PREPL: variants seen among roughly 807,000 people sequenced by gnomAD.
PREPL encodes the protein prolyl endopeptidase-like.
In PREPL, 77 loss-of-function variants were observed where a neutral mutation model predicts 70.6. The observed-to-expected ratio is 1.09, with a 90% CI of 0.91 to 1.32. The LOEUF is 1.32. PREPL is among the 40% of genes most tolerant of loss of function. The pLI, the probability that PREPL is intolerant of heterozygous loss-of-function variation, is 0.00. For missense variants in PREPL, 1,002 were observed against 778.2 expected (o/e 1.29, Z -3.42); for synonymous variants, 315 against 264.8 (o/e 1.19, Z -1.84).
intron 5 of PREPL, among the ~76,000 whole-genome samples, chr2:44,340,326 GTATTTT>G (rs1441458813): frequency 6.6e-6 from 1 of 151,988 alleles, no homozygotes; most frequent in African/African-American, 2.4e-5. Flanking sequence ...TTTAATAAGT[GTATTTT>G]TATGACTTGA....
rs754810107 is a variant in PREPL at position 44,326,941 on chromosome 2, G to A, written c.1263-13C>T. Reference sequence around the variant, plus strand: ...CTCACCACCACCTCTGAAATTGAAGGGCAAAAAAGTTTTAGTGGAAAAAAA... The same window carrying A: ...CTCACCACCACCTCTGAAATTGAAGAGCAAAAAAGTTTTAGTGGAAAAAAA... On this transcript the variant is annotated splice_polypyrimidine_tract_variant and intron_variant, in intron 9 of 13. Transcript: ENST00000409411. 1.2e-6 allele frequency: 2 copies of A among 1,611,328 alleles called. No individual in the cohort carries two copies. Among genetic ancestry groups the A allele is most frequent in the East Asian group, 2.2e-5 (1 of 44,838 alleles).
intron 8 of PREPL, among the ~76,000 whole-genome samples, chr2:44,331,634 T>C (rs1310183096): frequency 1.3e-5 from 2 of 152,192 alleles, no homozygotes; most frequent in African/African-American, 2.4e-5. Context: ...ATAACTTCCT[T>C]GGAGAAAACT....
intron 9 of PREPL, among the ~76,000 whole-genome samples, chr2:44,328,078 G>A (rs1006646438): frequency 2.6e-5 from 4 of 151,558 alleles, no homozygotes; most frequent in African/African-American, 9.7e-5. Context: ...TTGAGGTCAG[G>A]AGTTCGAGAC....
chr2:44,339,498 T>C, intron 5 of PREPL, 135 bp from the exon 6 acceptor site: 1 of 1,300,776 alleles, frequency 7.7e-7, no homozygotes, highest in Non-Finnish European at 1.0e-6. Flanking sequence ...AATTCCTTAG[T>C]GAATATCACT....
chr2:44,358,734 A>G (rs1677325377), intron 1 of PREPL, among the ~76,000 whole-genome samples: 1 of 152,208 alleles, frequency 6.6e-6, no homozygotes, highest in Non-Finnish European at 1.5e-5. Context: ...TCACGCCCAC[A>G]GCTTGGGGTC....
At position 44,338,354 on chromosome 2, in the gene PREPL, T is replaced by C. The variant is rs990128435; in HGVS notation, c.885A>G (p.Leu295=). The change falls in exon 7 of 14, where the codon CTA becomes CTG. Residue 295 remains leucine, a synonymous_variant. Coordinates refer to ENST00000409411, the MANE Select transcript of PREPL (RefSeq NM_001171613.2). ...IGLADDSVRS[L]KLPPWACGFI... is the part of the protein sequence containing the mutation. The stretch of plus-strand genomic sequence containing the variant: ...AACTTCTGAAAATTAAACATACCTT[T>C]AGAGACCGAACTGAATCATCAGCCA... 6.2e-7 allele frequency: 1 copy of C among 1,609,820 alleles called. No individual in the cohort carries two copies. The highest frequency in any genetic ancestry group is 8.5e-7 in the Non-Finnish European group (1 of 1,178,852).
chr2:44,339,136 T>A lies in PREPL; in HGVS notation c.702+11A>T. The A allele has an allele frequency of 1.2e-6, 2 of 1,612,962 alleles. No individual in the cohort carries two copies. Among genetic ancestry groups the A allele is most frequent in the Non-Finnish European group, 1.7e-6 (2 of 1,179,160 alleles). On this transcript the variant is annotated intron_variant, in intron 6 of 13. Coordinates refer to ENST00000409411, the MANE Select transcript of PREPL (RefSeq NM_001171613.2). ...ACAGCCCAAATAGGAACAACGAGCA[T>A]CCAGGATTACCTTAAATTCTGTAGG... is the stretch of plus-strand genomic sequence containing the variant.
Position 44,342,483 on chromosome 2 carries a change from T to A in PREPL, c.419A>T (p.Asp140Val), listed in dbSNP as rs367992937. 2.0e-5 allele frequency: 33 copies of A among 1,612,964 alleles called. No individual in the cohort carries two copies. Among genetic ancestry groups the A allele is most frequent in the Non-Finnish European group, 2.7e-5 (32 of 1,179,348 alleles). Reference protein sequence around the residue: ...YTFQRNLRCHDVYRATFGDNK... With the variant: ...YTFQRNLRCHVVYRATFGDNK... ...ATCACCAAAAGTGGCTCGATATACGTCATGACAGCGAAGGTTCCTCTGGAA... is the reference window on the plus strand; with the variant it reads ...ATCACCAAAAGTGGCTCGATATACGACATGACAGCGAAGGTTCCTCTGGAA... The change falls in exon 5 of 14, where the codon GAC (aspartate) becomes GTC (valine). Residue 140 changes from aspartate (D) to valine (V), a missense_variant. By Grantham distance (152) the Asp-to-Val change is radical. Transcript: ENST00000409411.
At chr2:44,346,437 A>G (rs1675833101) in intron 1 of PREPL, 47 bp from the exon 2 acceptor site, 5 of 1,585,918 alleles carry the variant, frequency 3.2e-6, no homozygotes, top group Admixed American at 1.8e-5. Context: ...CTAGGGAAAA[A>G]AAACTTTTGC....
intron 1 of PREPL, among the ~76,000 whole-genome samples, chr2:44,358,307 T>C (rs1269707696): frequency 6.6e-6 from 1 of 152,122 alleles, no homozygotes; most frequent in Non-Finnish European, 1.5e-5. Flanking sequence ...ATGGATCAAG[T>C]GGAAAACTTT....
chr2:44,352,750 AC>A (rs1314668670), intron 1 of PREPL, among the ~76,000 whole-genome samples: 1 of 152,242 alleles, frequency 6.6e-6, no homozygotes, highest in Non-Finnish European at 1.5e-5. Flanking sequence ...AATGAAAAAA[AC>A]ATATTTAACA....
Position 44,327,076 on chromosome 2 carries a change from G to C in PREPL, c.1263-148C>G, listed in dbSNP as rs1673580948. ...TTTTTAAAGGTTGAGTGAAAACAAG[G>C]AATGTGCAACAGAAACTGTACGCGG... On this transcript the variant is annotated intron_variant, in intron 9 of 13. Transcript: ENST00000409411. 20 of 673,128 alleles carry C rather than the reference G, an allele frequency of 3.0e-5. No individual in the cohort carries two copies. The South Asian group carries it at 3.8e-4, about 13-fold the overall frequency. 41.7% of individuals were successfully genotyped at this position (673,128 alleles called of 1,614,324 possible). A position where few individuals can be genotyped will look rare whatever the true frequency, so the allele number is the denominator to read the frequency against.
intron 1 of PREPL, chr2:44,360,707 C>G (rs1240839538): frequency 2.0e-5 from 3 of 152,110 alleles, no homozygotes; most frequent in Non-Finnish European, 4.4e-5. Context: ...CATTTACCTT[C>G]TAGGGTTGTT....
intron 8 of PREPL, among the ~76,000 whole-genome samples, chr2:44,329,560 A>C (rs1225987108): frequency 6.6e-6 from 1 of 152,136 alleles, no homozygotes; most frequent in Admixed American, 6.5e-5. Flanking sequence ...TTACCAGCTC[A>C]ATTTTCTATA....
rs574373350 is a variant in PREPL, at chr2:44,333,023, G to A, written c.889-367C>T. On this transcript the variant is annotated intron_variant, in intron 7 of 13. Transcript: ENST00000409411. ...TTCCAGAACCCACCGACACTGCCAA[G>A]ATCTCTGTTCTCAAAGAACGTGAAA... Among the ~76,000 whole-genome samples the A allele has an allele frequency of 4.6e-5, 7 of 152,232 alleles. No homozygotes were observed. The South Asian group carries it at 1.5e-3, about 32-fold the overall frequency.
Position 44,322,847 on chromosome 2 carries a change from G to A in PREPL, c.1637C>T (p.Pro546Leu). The A allele has an allele frequency of 6.2e-7, 1 of 1,613,252 alleles. No individual in the cohort carries two copies. Among genetic ancestry groups the A allele is most frequent in the Non-Finnish European group, 8.5e-7 (1 of 1,179,578 alleles). Residue 546 changes from proline to leucine, a missense_variant, in exon 12 of 14, where the codon CCT becomes CTT. Transcript: ENST00000409411. Reference protein sequence around the residue: ...PYQNIKPQHYPSIHITAYEND... With the variant: ...PYQNIKPQHYLSIHITAYEND... ...TTCATATGCCGTTATGTGAATTGAA[G>A]GATAATGCTGAAAGAAAATACATGC...
At chr2:44,328,212 G>A (rs957553283) in intron 9 of PREPL, among the ~76,000 whole-genome samples, 7 of 148,464 alleles carry the variant, frequency 4.7e-5, no homozygotes, top group Admixed American at 6.8e-5. Flanking sequence ...CTTGAACCCT[G>A]GCCAAGATCA....
chr2:44,328,425 A>G (rs1673750223), intron 9 of PREPL, among the ~76,000 whole-genome samples: 1 of 143,226 alleles, frequency 7.0e-6, no homozygotes, highest in Admixed American at 7.1e-5. Context: ...CGACAAAGCA[A>G]AACTGTCTCA....
intron 10 of PREPL, among the ~76,000 whole-genome samples, chr2:44,324,582 T>G (rs1673306577): frequency 6.6e-6 from 1 of 152,120 alleles, no homozygotes; most frequent in Admixed American, 6.6e-5. Flanking sequence ...CAAAATTTAA[T>G]AAAACGAAGG....
Sources: gnomAD v4.1 joint callset for allele counts (sites outside exome capture counted in the v4.1 genomes callset) on GRCh38, gnomAD v4.1.1 for gene constraint, MANE v1.5 for transcripts, NCBI Gene and HGNC (gene_info 2026-07-23, HGNC 2026-07-21) for gene names.